The following HSPA12A variants were observed in gnomAD, a reference collection of about 807,000 sequenced individuals.
HSPA12A encodes heat shock 70 kDa protein 12A.
HSPA12A carries 28 observed loss-of-function variants against 69.2 expected under a neutral mutation model. The ratio of observed to expected loss-of-function variants is 0.40; its 90% CI spans 0.30 to 0.55. HSPA12A has a LOEUF of 0.55. Ranked by LOEUF, HSPA12A falls within the 20% of genes least tolerant of loss-of-function variation. The pLI, the probability that HSPA12A is intolerant of heterozygous loss-of-function variation, is 0.38. For synonymous variants in HSPA12A, 345 were observed against 370.5 expected (o/e 0.93, Z 0.79); for missense variants, 686 against 900.7 (o/e 0.76, Z 3.05).
At chr10:116,808,950 C>T (rs764976175) in intron 2 of HSPA12A, among the ~76,000 whole-genome samples, 4 of 152,170 alleles carry the variant, frequency 2.6e-5, no homozygotes, top group African/African-American at 9.7e-5. Flanking sequence ...CAGTGGCTAG[C>T]GGGGAGTGGG....
At position 116,799,894 on chromosome 10, in the gene HSPA12A, T is replaced by C. The variant is rs566681912; in HGVS notation, c.91+35041A>G. On this transcript the variant is annotated intron_variant, in intron 2 of 12. Transcript: ENST00000635765. The stretch of plus-strand genomic sequence containing the variant: ...CCAGATGCTGGTAATAATACAGCAG[T>C]GAACAGAACAGACAAAAACCTCTCC... Among the ~76,000 whole-genome samples the C allele has an allele frequency of 7.2e-5, 11 of 151,838 alleles. No homozygotes were observed. The South Asian group carries it at 2.3e-3, about 32-fold the overall frequency.
At chr10:116,809,826 C>A (rs571870504) in intron 2 of HSPA12A, among the ~76,000 whole-genome samples, 1 of 152,224 alleles carries the variant, frequency 6.6e-6, no homozygotes, top group Non-Finnish European at 1.5e-5. Flanking sequence ...GCCATAACTG[C>A]AGCTTCCTCT....
intron 2 of HSPA12A, among the ~76,000 whole-genome samples, chr10:116,706,521 G>A (rs1358917749): frequency 2.6e-5 from 4 of 152,132 alleles, no homozygotes; most frequent in Admixed American, 6.5e-5. Context: ...CAGTGACTCC[G>A]CAGTTCTCCC....
In HSPA12A at chr10:116,672,310, G is replaced by A. The variant is rs1430617288; in HGVS notation, c.*2471C>T. On this transcript the variant is annotated 3_prime_UTR_variant, in exon 12 of 12. Coordinates refer to ENST00000369209, the MANE Select transcript of HSPA12A (RefSeq NM_025015.3). ...CCCTCAGGACACAAAGGGTTTCTTA[G>A]GTTGTTCTGCGCAGTCACATGGCTT... The A allele has an allele frequency of 6.6e-6, 1 of 152,210 alleles. No homozygotes were observed. The highest frequency in any genetic ancestry group is 1.5e-5 in the Non-Finnish European group (1 of 68,042). 9.4% of individuals were successfully genotyped at this position (152,210 alleles called of 1,614,324 possible). A position where few individuals can be genotyped will look rare whatever the true frequency, so the allele number is the denominator to read the frequency against.
intron 2 of HSPA12A, among the ~76,000 whole-genome samples, chr10:116,778,568 C>T (rs912885748): frequency 3.3e-5 from 5 of 152,144 alleles, no homozygotes; most frequent in Non-Finnish European, 5.9e-5. Context: ...TTCCTGTCAG[C>T]ACATTCCCCA....
At chr10:116,782,664 A>T (rs1313828870) in intron 2 of HSPA12A, among the ~76,000 whole-genome samples, 2 of 152,208 alleles carry the variant, frequency 1.3e-5, no homozygotes, top group Non-Finnish European at 2.9e-5. Flanking sequence ...CAGACTATTC[A>T]GGTAGGGCTC....
At chr10:116,756,809 G>T (rs1436834988) in intron 2 of HSPA12A, among the ~76,000 whole-genome samples, 2 of 152,180 alleles carry the variant, frequency 1.3e-5, no homozygotes, top group East Asian at 3.8e-4. Context: ...CACAGTTGAT[G>T]GTCTTCAGTG....
chr10:116,821,954 G>A (rs1323718721), intron 2 of HSPA12A, among the ~76,000 whole-genome samples: 4 of 152,178 alleles, frequency 2.6e-5, no homozygotes. Flanking sequence ...AGGCCTAAGA[G>A]GAATCCGAAT....
intron 1 of HSPA12A, among the ~76,000 whole-genome samples, chr10:116,736,978 T>C (rs1851337045): frequency 6.6e-6 from 1 of 152,222 alleles, no homozygotes; most frequent in African/African-American, 2.4e-5. Flanking sequence ...CAGCCAATAA[T>C]AATTGCTCAT....
chr10:116,740,666 GTGTGTGTGT>G (rs1851466071), intron 1 of HSPA12A, among the ~76,000 whole-genome samples: 5 of 12,848 alleles, frequency 3.9e-4, no homozygotes, highest in African/African-American at 7.1e-4. Context: ...GTGTGTGTGT[GTGTGTGTGT>G]CTGTGTGTGT....
chr10:116,705,410 A>C, intron 2 of HSPA12A, 132 bp from the exon 3 acceptor site: 32 of 1,106,330 alleles, frequency 2.9e-5, no homozygotes, highest in Non-Finnish European at 3.7e-5. Context: ...ATTCCAGCTC[A>C]AGTCTACCAC....
At chr10:116,812,115 T>G (rs1285327151) in intron 2 of HSPA12A, among the ~76,000 whole-genome samples, 2 of 152,158 alleles carry the variant, frequency 1.3e-5, no homozygotes, top group South Asian at 4.1e-4. Flanking sequence ...GCCCTGTACC[T>G]ATTACAAAGA....
chr10:116,671,691 G>A lies in HSPA12A; in HGVS notation c.*3090C>T, dbSNP rs959710103. 11 of 152,616 alleles carry A rather than the reference G, an allele frequency of 7.2e-5. No individual in the cohort carries two copies. The highest frequency in any genetic ancestry group is 7.2e-4 in the Admixed American group (11 of 15,274). The allele number at this position is 152,616 out of a possible 1,614,324, so 9.5% of individuals were successfully genotyped here. ...TTCCCCTCCTGTCTGTAACTTGTCT[G>A]TTACTCAGCATTTATTCATGCCTGC... On this transcript the variant is annotated 3_prime_UTR_variant, in exon 12 of 12. Transcript: ENST00000369209.
chr10:116,796,583 G>A (rs555516504), intron 2 of HSPA12A, among the ~76,000 whole-genome samples: 125 of 152,282 alleles, frequency 8.2e-4, no homozygotes, highest in Admixed American at 4.4e-3. Flanking sequence ...GGCTGATGAG[G>A]TTAGAAAGTT....
chr10:116,832,973 G>C (rs778381483), intron 2 of HSPA12A: 12 of 152,184 alleles, frequency 7.9e-5, no homozygotes, highest in Non-Finnish European at 1.8e-4. Context: ...AAGAGGTCAT[G>C]AGACAAGGAA....
At chr10:116,700,557 C>A (rs1850051608) in intron 4 of HSPA12A, among the ~76,000 whole-genome samples, 1 of 152,082 alleles carries the variant, frequency 6.6e-6, no homozygotes, top group African/African-American at 2.4e-5. Flanking sequence ...GTCCCTAGCC[C>A]CCAAGTGGAT....
At chr10:116,690,124 A>G (rs1383517029) in intron 6 of HSPA12A, among the ~76,000 whole-genome samples, 1 of 152,218 alleles carries the variant, frequency 6.6e-6, no homozygotes, top group Non-Finnish European at 1.5e-5. Context: ...AAAGATGTTA[A>G]TTTTGCTCAT....
rs555391335 is a variant in HSPA12A at position 116,782,884 on chromosome 10, C to T, written c.91+52051G>A. Among the ~76,000 whole-genome samples the T allele has an allele frequency of 2.0e-5, 3 of 152,230 alleles. No homozygotes were observed. The South Asian group carries it at 6.2e-4, about 32-fold the overall frequency. On this transcript the variant is annotated intron_variant, in intron 2 of 12. Coordinates refer to the HSPA12A transcript ENST00000635765. ...GTAGACACTGAGACTGACTCCCAGGCCTGATGCCTGGCAACATACCAAGCC... is the reference window on the plus strand; with the variant it reads ...GTAGACACTGAGACTGACTCCCAGGTCTGATGCCTGGCAACATACCAAGCC...
intron 2 of HSPA12A, among the ~76,000 whole-genome samples, chr10:116,823,578 A>G (rs965690199): frequency 2.0e-5 from 3 of 152,236 alleles, no homozygotes; most frequent in Admixed American, 1.3e-4. Context: ...AGAATTTCAG[A>G]GTCCAGAAAT....
Sources: allele counts gnomAD v4.1 joint callset (sites outside exome capture counted in the v4.1 genomes callset), GRCh38; gene constraint gnomAD v4.1.1; transcripts MANE v1.5; gene names NCBI Gene and HGNC (gene_info 2026-07-23, HGNC 2026-07-21).